Variants in PADI2 observed in about 807,000 individuals in gnomAD.
The protein encoded by PADI2 is peptidyl arginine deiminase 2.
A neutral mutation model predicts 81.1 loss-of-function variants in PADI2; 70 were observed. That is an observed-to-expected ratio of 0.86 (90% CI 0.71 to 1.05). The LOEUF (loss-of-function observed/expected upper bound fraction) is 1.05. PADI2 is among the 50% of genes least tolerant of loss of function. PADI2 has a pLI of 0.00. For synonymous variants in PADI2, 338 were observed against 358.0 expected (o/e 0.94, Z 0.63); for missense variants, 853 against 889.9 (o/e 0.96, Z 0.53).
chr1:17,068,652 C>T lies in PADI2; in HGVS notation c.*392G>A. ...TTTCCATGGATTCTACCTTGATTTTCAGAGCATGGCTGCTGGAAGAACTGG... is the reference window on the plus strand; with the variant it reads ...TTTCCATGGATTCTACCTTGATTTTTAGAGCATGGCTGCTGGAAGAACTGG... On this transcript the variant is annotated 3_prime_UTR_variant, in exon 16 of 16. Transcript: ENST00000375486. 1 of 213,238 alleles carries T rather than the reference C, an allele frequency of 4.7e-6. No homozygotes were observed. Among genetic ancestry groups the T allele is most frequent in the Admixed American group, 5.3e-5 (1 of 18,984 alleles). The allele number at this position is 213,238 out of a possible 1,614,324, so 13.2% of individuals were successfully genotyped here. A position where few individuals can be genotyped will look rare whatever the true frequency, so the allele number is the denominator to read the frequency against.
At chr1:17,112,181 G>T (rs1396172685) in intron 1 of PADI2, among the ~76,000 whole-genome samples, 1 of 152,138 alleles carries the variant, frequency 6.6e-6, no homozygotes, top group African/African-American at 2.4e-5. Context: ...CTTGGGACCA[G>T]ATAGTGGCTG....
At chr1:17,093,393 C>T (rs1191075139) in intron 5 of PADI2, among the ~76,000 whole-genome samples, 174 bp downstream of exon 5, 2 of 152,200 alleles carry the variant, frequency 1.3e-5, no homozygotes, top group African/African-American at 4.8e-5. Flanking sequence ...CACGCCCGGC[C>T]CTTGTCTATT....
At chr1:17,104,627 G>A (rs986502091) in intron 2 of PADI2, among the ~76,000 whole-genome samples, 19 of 151,812 alleles carry the variant, frequency 1.3e-4, no homozygotes, top group Admixed American at 7.2e-4. Context: ...TAGAGACAGG[G>A]TTTCACCGTG....
intron 3 of PADI2, among the ~76,000 whole-genome samples, chr1:17,097,571 C>T (rs1359418097): frequency 1.3e-5 from 2 of 152,150 alleles, no homozygotes; most frequent in African/African-American, 2.4e-5. Flanking sequence ...TACCAGGCAA[C>T]GGGCAATGGA....
At chr1:17,075,256 GAAAATGA>G in intron 12 of PADI2, 1 of 324,622 alleles carries the variant, frequency 3.1e-6, no homozygotes, top group South Asian at 4.7e-5. Flanking sequence ...GTACCCATAA[GAAAATGA>G]AAGAACCTCT....
At chr1:17,104,588 C>T (rs1931287004) in intron 2 of PADI2, among the ~76,000 whole-genome samples, 1 of 151,632 alleles carries the variant, frequency 6.6e-6, no homozygotes. Flanking sequence ...GCACCCGCCC[C>T]ATGCCTGGCT....
intron 1 of PADI2, among the ~76,000 whole-genome samples, chr1:17,111,070 G>C (rs1034387193): frequency 2.7e-5 from 4 of 146,636 alleles, no homozygotes; most frequent in Non-Finnish European, 6.0e-5. Flanking sequence ...TGGGCCCATG[G>C]AAAAGACAGA....
chr1:17,075,908 C>G, intron 11 of PADI2, 85 bp from the exon 12 acceptor site: 5 of 1,338,082 alleles, frequency 3.7e-6, no homozygotes, highest in Non-Finnish European at 5.3e-6. Flanking sequence ...TGGGACCCAC[C>G]TCGGACCCAG....
chr1:17,103,132 T>C, intron 2 of PADI2, 73 bp from the exon 3 acceptor site: 1 of 1,061,364 alleles, frequency 9.4e-7, no homozygotes, highest in Non-Finnish European at 1.4e-6. Flanking sequence ...CAGGAAAACC[T>C]GAAGCAACTG....
chr1:17,086,772 G>A (rs2101587654), intron 6 of PADI2, 73 bp from the exon 7 acceptor site: 1 of 1,266,554 alleles, frequency 7.9e-7, no homozygotes, highest in South Asian at 1.3e-5. Flanking sequence ...ATCACCGATG[G>A]GGACAAAAGG....
chr1:17,109,576 C>T (rs1014809153), intron 1 of PADI2, among the ~76,000 whole-genome samples: 16 of 150,986 alleles, frequency 1.1e-4, no homozygotes, highest in Non-Finnish European at 1.9e-4. Flanking sequence ...CTGCAACCTC[C>T]GCATCCTAGG....
At chr1:17,103,528 C>T (rs1439208352) in intron 2 of PADI2, among the ~76,000 whole-genome samples, 1 of 152,128 alleles carries the variant, frequency 6.6e-6, no homozygotes, top group Non-Finnish European at 1.5e-5. Context: ...ATGTTCAGCA[C>T]CCCATTTTAC....
intron 10 of PADI2, among the ~76,000 whole-genome samples, chr1:17,081,606 G>A (rs757882603): frequency 2.0e-5 from 3 of 152,190 alleles, no homozygotes; most frequent in Non-Finnish European, 4.4e-5. Context: ...GTGACCTTGG[G>A]AAAAGTCCCC....
intron 3 of PADI2, among the ~76,000 whole-genome samples, chr1:17,097,042 A>G (rs1363941584): frequency 6.6e-6 from 1 of 152,186 alleles, no homozygotes; most frequent in African/African-American, 2.4e-5. Flanking sequence ...AATTGCCTTG[A>G]GTTGGAGACG....
At chr1:17,112,301 C>T (rs939924050) in intron 1 of PADI2, among the ~76,000 whole-genome samples, 10 of 152,084 alleles carry the variant, frequency 6.6e-5, no homozygotes, top group African/African-American at 1.2e-4. Context: ...GGTCTTGGCT[C>T]GGTCAGTGGG....
chr1:17,117,706 G>A (rs569118089), intron 1 of PADI2, among the ~76,000 whole-genome samples: 32 of 152,210 alleles, frequency 2.1e-4, no homozygotes, highest in Non-Finnish European at 4.1e-4. Flanking sequence ...CCCCACCCCC[G>A]ACTGGGAGGA....
intron 1 of PADI2, among the ~76,000 whole-genome samples, chr1:17,107,839 T>C (rs1483537541): frequency 6.6e-6 from 1 of 152,094 alleles, no homozygotes; most frequent in Admixed American, 6.5e-5. Context: ...CACCCCAAGG[T>C]CACTCTGGTT....
At position 17,102,968 on chromosome 1, in the gene PADI2, G is replaced by A. The variant is rs752887462; in HGVS notation, c.349+19C>T. 6 of 1,597,840 alleles carry A rather than the reference G, an allele frequency of 3.8e-6. No individual in the cohort carries two copies. The highest frequency in any genetic ancestry group is 5.1e-6 in the Non-Finnish European group (6 of 1,167,552). On this transcript the variant is annotated intron_variant, in intron 3 of 15. Transcript: ENST00000375486. ...CCCTGGGTGATGAAGGCACTGAGAC[G>A]GCAACCATGCCAACTCACCAATGGC...
intron 9 of PADI2, 96 bp downstream of exon 9, chr1:17,083,630 C>T (rs2078363954): frequency 1.3e-6 from 1 of 760,492 alleles, no homozygotes; most frequent in Non-Finnish European, 2.4e-6. Context: ...TCCCCATCTG[C>T]AGAGCTGCTG....
Sources: gnomAD v4.1 joint callset for allele counts (sites outside exome capture counted in the v4.1 genomes callset) on GRCh38, gnomAD v4.1.1 for gene constraint, MANE v1.5 for transcripts, NCBI Gene and HGNC (gene_info 2026-07-23, HGNC 2026-07-21) for gene names.